Variants in PCDHGB1 observed in about 807,000 individuals in gnomAD.
The protein encoded by PCDHGB1 is protocadherin gamma-B1.
A neutral mutation model predicts 56.6 loss-of-function variants in PCDHGB1; 34 were observed. The ratio of observed to expected loss-of-function variants is 0.60; its 90% CI spans 0.46 to 0.80. PCDHGB1 has a LOEUF of 0.80. PCDHGB1 is among the 30% of genes least tolerant of loss of function. The probability of loss-of-function intolerance (pLI) is 0.00; values close to 1 mark genes in which losing one functional copy is unlikely to be tolerated. For missense variants in PCDHGB1, 1,278 were observed against 1,204.6 expected (o/e 1.06, Z -0.90); for synonymous variants, 561 against 505.9 (o/e 1.11, Z -1.46).
chr5:141,418,419 A>G (rs1181055959), intron 1 of PCDHGB1: 1 of 1,613,900 alleles, frequency 6.2e-7, no homozygotes, highest in Non-Finnish European at 8.5e-7. Flanking sequence ...GACAATCCTG[A>G]TGGTGGCAAA....
chr5:141,475,167 G>T (rs529813171), intron 1 of PCDHGB1, among the ~76,000 whole-genome samples: 1 of 152,160 alleles, frequency 6.6e-6, no homozygotes, highest in Admixed American at 6.5e-5. Flanking sequence ...CATTAGCAGT[G>T]CAACTTCTTG....
chr5:141,365,603 A>G (rs1198770505), intron 1 of PCDHGB1: 5 of 1,613,602 alleles, frequency 3.1e-6, no homozygotes, highest in Non-Finnish European at 3.4e-6. Context: ...TTTAACCGTC[A>G]TGGACCATGG....
chr5:141,392,762 G>A lies in PCDHGB1; in HGVS notation c.2409+40093G>A, dbSNP rs1033759244. 8.8e-6 allele frequency: 13 copies of A among 1,478,030 alleles called. No individual in the cohort carries two copies. The African/African-American group carries it at 1.3e-4, about 14-fold the overall frequency. The allele number at this position is 1,478,030 out of a possible 1,614,324, so 91.6% of individuals were successfully genotyped here. ...ATAGCTGCGGCAAGAAACTAAATAA[G>A]ACCCATTTATGCACAGTGAAGATTC... On this transcript the variant is annotated intron_variant, in intron 1 of 3. Coordinates refer to ENST00000523390, the MANE Select transcript of PCDHGB1 (RefSeq NM_018922.3).
intron 1 of PCDHGB1, chr5:141,393,440 C>G (rs777552488): frequency 6.2e-7 from 1 of 1,614,042 alleles, no homozygotes; most frequent in Admixed American, 1.7e-5. Context: ...CTGCTCACCA[C>G]CTGGTCCTCA....
chr5:141,498,880 C>G (rs1334510457), intron 2 of PCDHGB1, among the ~76,000 whole-genome samples: 1 of 150,028 alleles, frequency 6.7e-6, no homozygotes, highest in African/African-American at 2.4e-5. Flanking sequence ...TTGCAGTGAG[C>G]TGAGATCACA....
chr5:141,374,678 A>G (rs753625335), intron 1 of PCDHGB1: 1 of 1,610,496 alleles, frequency 6.2e-7, no homozygotes, highest in African/African-American at 1.3e-5. Context: ...GCTGGAGGGC[A>G]CACTGGACCG....
chr5:141,431,617 C>A lies in PCDHGB1; in HGVS notation c.2410-63190C>A. ...GGTATTCCTTCCGGTATGTGGACGA[C>A]AAGGCGGCCCAAGTTTTCAAACTAG... On this transcript the variant is annotated intron_variant, in intron 1 of 3. Coordinates refer to ENST00000523390, the MANE Select transcript of PCDHGB1 (RefSeq NM_018922.3). This position sits in a 1 kb window ranked among gnomAD's most constrained non-coding sequence, Gnocchi z 4.8. 6.2e-7 allele frequency: 1 copy of A among 1,614,236 alleles called. No homozygotes were observed. Among genetic ancestry groups the A allele is most frequent in the Non-Finnish European group, 8.5e-7 (1 of 1,180,044 alleles).
At chr5:141,395,224 C>G (rs1442627118) in intron 1 of PCDHGB1, 1 of 1,610,586 alleles carries the variant, frequency 6.2e-7, no homozygotes, top group Admixed American at 1.7e-5. Context: ...AAGAATGAAG[C>G]TGATCATGGT....
At chr5:141,366,451 C>T (rs372498112) in intron 1 of PCDHGB1, 14 of 1,614,228 alleles carry the variant, frequency 8.7e-6, no homozygotes, top group Non-Finnish European at 1.0e-5. Flanking sequence ...TCCTGGCCTT[C>T]GTCATCGTGC....
rs1223618064 is a variant in PCDHGB1 at position 141,512,867 on chromosome 5, C to T, written c.*1694C>T. On this transcript the variant is annotated 3_prime_UTR_variant, in exon 4 of 4. Transcript: ENST00000523390. The stretch of plus-strand genomic sequence containing the variant: ...ATAAGCGCTTCTCTTCGCATAGTCA[C>T]GTAGCTCCCACCCCACCCTCTTCCT... 1 of 152,184 alleles carries T rather than the reference C, an allele frequency of 6.6e-6. No homozygotes were observed. The highest frequency in any genetic ancestry group is 1.5e-5 in the Non-Finnish European group (1 of 68,056). The allele number at this position is 152,184 out of a possible 1,614,324, so 9.4% of individuals were successfully genotyped here. A position where few individuals can be genotyped will look rare whatever the true frequency, so the allele number is the denominator to read the frequency against.
In PCDHGB1 at chr5:141,360,072, C is replaced by A; in HGVS notation, c.2409+7403C>A. ...AAAAGCAGGAAAAGTGACCTTAGCC[C>A]GGATTCTGCCATCCCCGGAAGGCTT... On this transcript the variant is annotated intron_variant, in intron 1 of 3. Coordinates refer to ENST00000523390, the MANE Select transcript of PCDHGB1 (RefSeq NM_018922.3). 4.8e-6 allele frequency: 7 copies of A among 1,473,480 alleles called. No homozygotes were observed. In the South Asian group the frequency reaches 1.0e-4, roughly 21 times the overall value. 91.3% of individuals were successfully genotyped at this position (1,473,480 alleles called of 1,614,324 possible). A position where few individuals can be genotyped will look rare whatever the true frequency, so the allele number is the denominator to read the frequency against.
intron 1 of PCDHGB1, among the ~76,000 whole-genome samples, chr5:141,354,389 C>A (rs971076627): frequency 1.3e-5 from 2 of 152,144 alleles, no homozygotes; most frequent in Non-Finnish European, 2.9e-5. Flanking sequence ...TAGCTTGTGG[C>A]CAAGAATCTA....
intron 1 of PCDHGB1, chr5:141,405,058 T>C (rs1174407561): frequency 1.2e-6 from 2 of 1,613,912 alleles, no homozygotes; most frequent in East Asian, 2.2e-5. Flanking sequence ...TCGTCTCCTG[T>C]GTCTTCCTCA....
intron 1 of PCDHGB1, chr5:141,357,273 C>G (rs111314276): frequency 3.1e-6 from 5 of 1,613,852 alleles, no homozygotes; most frequent in African/African-American, 2.7e-5. Context: ...GCCTCACACT[C>G]TATCTCGTGG....
chr5:141,375,505 G>A lies in PCDHGB1; in HGVS notation c.2409+22836G>A, dbSNP rs551956324. On this transcript the variant is annotated intron_variant, in intron 1 of 3. Coordinates refer to ENST00000523390, the MANE Select transcript of PCDHGB1 (RefSeq NM_018922.3). The stretch of plus-strand genomic sequence containing the variant: ...CCAGGGGTGCCTCCATCTTCTCTGT[G>A]AATGCACTGGACCCTGACGTGGACC... The A allele has an allele frequency of 1.5e-5, 25 of 1,613,998 alleles. 1 individual carries two copies. The South Asian group carries it at 2.7e-4, about 18-fold the overall frequency.
At chr5:141,440,382 C>T (rs898655247) in intron 1 of PCDHGB1, 2 of 152,178 alleles carry the variant, frequency 1.3e-5, no homozygotes, top group Non-Finnish European at 2.9e-5. Context: ...AGGAGAATCG[C>T]TTGAACCCGA....
intron 1 of PCDHGB1, chr5:141,440,464 G>C (rs2003094): frequency 1.3e-5 from 2 of 152,150 alleles, no homozygotes; most frequent in Admixed American, 6.5e-5. Context: ...ATGAACAAAC[G>C]GTAGTTGAAA....
chr5:141,394,009 GTAA>G, intron 1 of PCDHGB1: 1 of 1,613,394 alleles, frequency 6.2e-7, no homozygotes, highest in Non-Finnish European at 8.5e-7. Flanking sequence ...AAGTCAATAG[GTAA>G]TTATTATAGA....
intron 1 of PCDHGB1, chr5:141,419,707 C>G (rs781629810): frequency 6.2e-7 from 1 of 1,613,180 alleles, no homozygotes. Flanking sequence ...AGCCCGGGCT[C>G]TTCAGCCTGG....
Sources: gnomAD v4.1 joint callset for allele counts (sites outside exome capture counted in the v4.1 genomes callset) on GRCh38, gnomAD v4.1.1 for gene constraint, Gnocchi (gnomAD v3.1) non-coding constraint, MANE v1.5 for transcripts, NCBI Gene and HGNC (gene_info 2026-07-23, HGNC 2026-07-21) for gene names.